The following SMC6 variants were observed in gnomAD, a reference collection of about 807,000 sequenced individuals.
SMC6 encodes the protein structural maintenance of chromosomes 6.
A neutral mutation model predicts 142.2 loss-of-function variants in SMC6; 79 were observed. The ratio of observed to expected loss-of-function variants is 0.56; its 90% CI spans 0.46 to 0.67. SMC6 has a LOEUF of 0.67. SMC6 is among the 30% of genes least tolerant of loss of function. The pLI, the probability that SMC6 is intolerant of heterozygous loss-of-function variation, is 0.00. For synonymous variants in SMC6, 411 were observed against 412.4 expected (o/e 1.00, Z 0.04); for missense variants, 1,072 against 1,284.0 (o/e 0.83, Z 2.52).
intron 25 of SMC6, among the ~76,000 whole-genome samples, chr2:17,671,669 A>G (rs1666771489): frequency 6.6e-6 from 1 of 151,454 alleles, no homozygotes; most frequent in Non-Finnish European, 1.5e-5. Flanking sequence ...AATTCTAAAT[A>G]AAATCTTTTA....
At chr2:17,665,665 T>TAA in intron 27 of SMC6, 52 bp from the exon 28 acceptor site, 1 of 1,172,564 alleles carries the variant, frequency 8.5e-7, no homozygotes, top group South Asian at 1.5e-5. Context: ...TTTTACCAAT[T>TAA]AAAAAAAATT....
intron 5 of SMC6, 36 bp downstream of exon 5, chr2:17,738,185 A>G (rs765643146): frequency 5.5e-5 from 81 of 1,477,622 alleles, no homozygotes; most frequent in Non-Finnish European, 7.2e-5. Flanking sequence ...TTCTTACTAA[A>G]GAATTGAAAA....
At chr2:17,685,906 G>A (rs980718030) in intron 23 of SMC6, among the ~76,000 whole-genome samples, 1 of 151,740 alleles carries the variant, frequency 6.6e-6, no homozygotes, top group African/African-American at 2.4e-5. Flanking sequence ...ATATATATAT[G>A]TTAAAAACTT....
At chr2:17,684,624 G>A (rs1049259173) in intron 23 of SMC6, among the ~76,000 whole-genome samples, 1 of 152,148 alleles carries the variant, frequency 6.6e-6, no homozygotes, top group Admixed American at 6.5e-5. Flanking sequence ...AGGAATTAGA[G>A]ACCAGCTTGG....
chr2:17,696,745 G>A (rs1320128194), intron 21 of SMC6, among the ~76,000 whole-genome samples: 4 of 152,084 alleles, frequency 2.6e-5, no homozygotes, highest in Non-Finnish European at 1.5e-5. Context: ...GAGGACACCT[G>A]AAAAAGGATA....
intron 23 of SMC6, among the ~76,000 whole-genome samples, chr2:17,689,889 T>G (rs1488375377): frequency 1.3e-5 from 2 of 152,218 alleles, no homozygotes; most frequent in African/African-American, 4.8e-5. Flanking sequence ...TTGTTGTTTT[T>G]GAGTTTTTTC....
Position 17,700,219 on chromosome 2 carries a change from C to A in SMC6, c.2383G>T (p.Asp795Tyr). The part of the protein sequence containing the change: ...FKINQLSELA[D>Y]PLKDELNLAD... The stretch of plus-strand genomic sequence containing the variant: ...CCAAAAATATATACCTTAAGTGGGT[C>A]TGCTAGCTCCGATAGTTGATTAATT... Residue 795 changes from aspartate to tyrosine, a missense_variant, in exon 21 of 28, where the codon GAC becomes TAC. Physicochemically the swap from Asp to Tyr is radical, Grantham distance 160. Transcript: ENST00000448223. 6.2e-7 allele frequency: 1 copy of A among 1,600,908 alleles called. No individual in the cohort carries two copies. Among genetic ancestry groups the A allele is most frequent in the South Asian group, 1.1e-5 (1 of 88,788 alleles).
At chr2:17,715,956 G>T in intron 15 of SMC6, 130 bp downstream of exon 15, 1 of 774,682 alleles carries the variant, frequency 1.3e-6, no homozygotes, top group Non-Finnish European at 1.8e-6. Context: ...TAAAACGAAA[G>T]CTACAAAGCT....
intron 12 of SMC6, 31 bp downstream of exon 12, chr2:17,718,046 T>C: frequency 1.3e-6 from 2 of 1,579,730 alleles, no homozygotes; most frequent in Non-Finnish European, 1.7e-6. Flanking sequence ...TGTGTGGCTT[T>C]TAAAATTCCA....
At chr2:17,752,695 AGTTCTAATAT>A (rs1228580156) in intron 2 of SMC6, among the ~76,000 whole-genome samples, 4 of 152,208 alleles carry the variant, frequency 2.6e-5, no homozygotes, top group Admixed American at 2.6e-4. Context: ...TCTAAATAGA[AGTTCTAATAT>A]GTTCCCTCTC....
rs1410163573 is a variant in SMC6 at position 17,720,813 on chromosome 2, A to G, written c.945+127T>C. 13 of 778,028 alleles carry G rather than the reference A, an allele frequency of 1.7e-5. No individual in the cohort carries two copies. In the East Asian group the frequency reaches 3.0e-4, roughly 18 times the overall value. The allele number at this position is 778,028 out of a possible 1,614,324, so 48.2% of individuals were successfully genotyped here. A position where few individuals can be genotyped will look rare whatever the true frequency, so the allele number is the denominator to read the frequency against. On this transcript the variant is annotated intron_variant, in intron 11 of 27. Coordinates refer to ENST00000448223, the MANE Select transcript of SMC6 (RefSeq NM_001142286.2). ...AACAAGCTTAGGTCTATTTCACCTA[A>G]GCAATCAATTCAAATATAGACAAAT...
chr2:17,696,626 C>T (rs773442001), intron 21 of SMC6, among the ~76,000 whole-genome samples, 200 bp from the exon 22 acceptor site: 26 of 152,120 alleles, frequency 1.7e-4, no homozygotes, highest in Admixed American at 3.3e-4. Context: ...TATCTGAATT[C>T]CCCATATATT....
intron 9 of SMC6, among the ~76,000 whole-genome samples, chr2:17,722,005 T>C (rs550617043): frequency 4.7e-4 from 72 of 152,298 alleles, no homozygotes; most frequent in African/African-American, 1.3e-3. Flanking sequence ...TCCACCTGGG[T>C]AGACAGCCTC....
intron 26 of SMC6, among the ~76,000 whole-genome samples, chr2:17,669,853 T>C (rs1666672510): frequency 6.6e-6 from 1 of 152,148 alleles, no homozygotes; most frequent in Non-Finnish European, 1.5e-5. Context: ...ACTCTAACCA[T>C]GAGAGGTAGG....
At chr2:17,677,646 T>G (rs889227099) in intron 25 of SMC6, among the ~76,000 whole-genome samples, 1 of 152,230 alleles carries the variant, frequency 6.6e-6, no homozygotes, top group Admixed American at 6.5e-5. Flanking sequence ...CTGGCTTTTT[T>G]ATAGTCTGCA....
intron 11 of SMC6, 142 bp downstream of exon 11, chr2:17,720,798 G>A (rs141688946): frequency 2.9e-6 from 2 of 692,410 alleles, no homozygotes; most frequent in Non-Finnish European, 4.7e-6. Flanking sequence ...AACAAGCTTA[G>A]GTCTATTTCA....
At chr2:17,727,424 C>T (rs1313429572) in intron 7 of SMC6, among the ~76,000 whole-genome samples, 1 of 152,116 alleles carries the variant, frequency 6.6e-6, no homozygotes, top group African/African-American at 2.4e-5. Flanking sequence ...GGGACTTGGA[C>T]TGGCTCTCCT....
At chr2:17,716,394 T>C in intron 14 of SMC6, 130 bp from the exon 15 acceptor site, 1 of 846,294 alleles carries the variant, frequency 1.2e-6, no homozygotes, top group Non-Finnish European at 1.7e-6. Context: ...AGCAGAATTA[T>C]TTATTTGAAA....
rs890406539 is a variant in SMC6 at position 17,678,785 on chromosome 2, C to A, written c.2910+74G>T. 5.1e-5 allele frequency: 58 copies of A among 1,138,658 alleles called. No individual in the cohort carries two copies. The Admixed American group carries it at 1.3e-3, about 25-fold the overall frequency. 70.5% of individuals were successfully genotyped at this position (1,138,658 alleles called of 1,614,324 possible). A position where few individuals can be genotyped will look rare whatever the true frequency, so the allele number is the denominator to read the frequency against. ...AGTAAGACTCTGCCTCTAAAAAAAA[C>A]CCAACAAAAATAGAAAAGAAAAGAA... On this transcript the variant is annotated intron_variant, in intron 25 of 27. Coordinates refer to ENST00000448223, the MANE Select transcript of SMC6 (RefSeq NM_001142286.2).
Sources: allele counts gnomAD v4.1 joint callset (sites outside exome capture counted in the v4.1 genomes callset), GRCh38; gene constraint gnomAD v4.1.1; transcripts MANE v1.5; gene names NCBI Gene and HGNC (gene_info 2026-07-23, HGNC 2026-07-21).